DDX46: variants seen among roughly 807,000 people sequenced by gnomAD.
The protein encoded by DDX46 is probable ATP-dependent RNA helicase DDX46.
Under a neutral mutation model 134.9 loss-of-function variants are expected in DDX46, and 30 were observed. That is an observed-to-expected ratio of 0.22 (90% confidence interval 0.17 to 0.30). The LOEUF (loss-of-function observed/expected upper bound fraction) is 0.30. Among genes scored for constraint, DDX46 ranks in the 10% least tolerant of loss-of-function variants. The probability of loss-of-function intolerance (pLI) is 1.00; values close to 1 mark genes in which losing one functional copy is unlikely to be tolerated. For synonymous variants in DDX46, 415 were observed against 404.1 expected (o/e 1.03, Z -0.32); for missense variants, 622 against 1,248.7 (o/e 0.50, Z 7.56).
intron 3 of DDX46, among the ~76,000 whole-genome samples, chr5:134,769,330 T>C (rs1753683273): frequency 1.4e-5 from 2 of 143,234 alleles, no homozygotes; most frequent in Admixed American, 6.9e-5. Flanking sequence ...TTTCAAGGTT[T>C]TTTTTTTTTT....
intron 5 of DDX46, 102 bp from the exon 6 acceptor site, chr5:134,777,472 T>G (rs1208534807): frequency 3.8e-6 from 5 of 1,331,678 alleles, no homozygotes; most frequent in Non-Finnish European, 5.1e-6. Flanking sequence ...AAAGGGGTGT[T>G]TGGGCAGTGG....
chr5:134,787,173 C>T (rs539101812), intron 11 of DDX46, among the ~76,000 whole-genome samples: 1 of 152,108 alleles, frequency 6.6e-6, no homozygotes, highest in Non-Finnish European at 1.5e-5. Context: ...ATCTGCTTGC[C>T]TTGGCTTCCC....
chr5:134,807,691 A>G, intron 15 of DDX46, 57 bp from the exon 16 acceptor site: 4 of 1,494,742 alleles, frequency 2.7e-6, no homozygotes, highest in South Asian at 2.6e-5. Flanking sequence ...ATTCTTGGTC[A>G]GAAGACATGG....
chr5:134,811,178 T>C (rs1297371491), intron 16 of DDX46, 43 bp from the exon 17 acceptor site: 1 of 1,581,934 alleles, frequency 6.3e-7, no homozygotes, highest in Non-Finnish European at 8.7e-7. Context: ...GTAGGATCCA[T>C]CTTGTTAGTG....
chr5:134,812,387 G>A (rs554546541), intron 18 of DDX46, among the ~76,000 whole-genome samples: 3 of 151,956 alleles, frequency 2.0e-5, no homozygotes, highest in African/African-American at 7.2e-5. Context: ...AGTCTTTAAC[G>A]AATCTTGTTT....
intron 10 of DDX46, 43 bp downstream of exon 10, chr5:134,784,584 G>T: frequency 6.5e-7 from 1 of 1,534,464 alleles, no homozygotes; most frequent in Middle Eastern, 1.7e-4. Context: ...TAACAGCTTT[G>T]TTGTCAAACA....
At chr5:134,827,979 A>G (rs2150165027) in intron 22 of DDX46, among the ~76,000 whole-genome samples, 1 of 152,362 alleles carries the variant, frequency 6.6e-6, no homozygotes, top group African/African-American at 2.4e-5. Context: ...CCAGAAGTGT[A>G]GAAAATTCCA....
At chr5:134,825,512 A>T (rs1047261658) in intron 21 of DDX46, among the ~76,000 whole-genome samples, 2 of 152,040 alleles carry the variant, frequency 1.3e-5, no homozygotes, top group African/African-American at 4.8e-5. Flanking sequence ...TATGGGGGGA[A>T]ATTTTCTCGT....
chr5:134,785,687 T>G, intron 11 of DDX46, 101 bp downstream of exon 11: 1 of 1,358,612 alleles, frequency 7.4e-7, no homozygotes, highest in Non-Finnish European at 9.9e-7. Context: ...GAATAGTGAT[T>G]GCTTCTAAAA....
chr5:134,770,048 G>A (rs1323098146), intron 3 of DDX46, among the ~76,000 whole-genome samples: 2 of 152,028 alleles, frequency 1.3e-5, no homozygotes, highest in East Asian at 1.9e-4. Flanking sequence ...AGTCTAATAA[G>A]TGTACTTATG....
At chr5:134,807,175 C>CTTTTTTT (rs11284486) in intron 15 of DDX46, among the ~76,000 whole-genome samples, 3 of 121,700 alleles carry the variant, frequency 2.5e-5, no homozygotes, top group Admixed American at 8.7e-5. Flanking sequence ...CCACGCCTGG[C>CTTTTTTT]TTTTTTTTTT....
Position 134,764,017 on chromosome 5 carries a change from A to T in DDX46, c.131A>T (p.Asp44Val). The T allele has an allele frequency of 6.2e-7, 1 of 1,614,220 alleles. No homozygotes were observed. The highest frequency in any genetic ancestry group is 8.5e-7 in the Non-Finnish European group (1 of 1,180,042). The change falls in exon 2 of 23, where the codon GAT becomes GTT. Residue 44 changes from aspartate (D) to valine (V), a missense_variant. This residue lies in a region of DDX46 where 244 missense variants were observed against 349.3 expected (regional missense o/e 0.70). Coordinates refer to ENST00000452510, the MANE Select transcript of DDX46 (RefSeq NM_001300860.2). ...RGDDRRSRSR[D>V]RDRRRERSRS... ...GATGACAGACGGTCTAGAAGTAGAG[A>T]TAGAGATAGGAGGAGAGAGAGGTCT...
intron 19 of DDX46, chr5:134,817,215 C>T (rs974188659): frequency 8.5e-6 from 3 of 353,248 alleles, no homozygotes; most frequent in Non-Finnish European, 1.0e-5. Flanking sequence ...CTGTGTCTGA[C>T]ATCAAGAGTT....
chr5:134,819,499 A>T (rs1380506303), intron 21 of DDX46, among the ~76,000 whole-genome samples: 1 of 152,182 alleles, frequency 6.6e-6, no homozygotes, highest in African/African-American at 2.4e-5. Flanking sequence ...ACTTTATTTC[A>T]TACATTCATG....
At chr5:134,821,379 G>C (rs1365753800) in intron 21 of DDX46, among the ~76,000 whole-genome samples, 1 of 151,766 alleles carries the variant, frequency 6.6e-6, no homozygotes, top group Non-Finnish European at 1.5e-5. Context: ...GTTTCACCAT[G>C]TTGGTCAGGC....
At chr5:134,790,641 T>G in intron 13 of DDX46, 89 bp downstream of exon 13, 3 of 1,103,826 alleles carry the variant, frequency 2.7e-6, no homozygotes, top group Non-Finnish European at 4.0e-6. Context: ...TTTCTGAAAT[T>G]CACACACACA....
chr5:134,769,492 A>G (rs1267396749), intron 3 of DDX46, among the ~76,000 whole-genome samples: 1 of 146,276 alleles, frequency 6.8e-6, no homozygotes, highest in Non-Finnish European at 1.5e-5. Context: ...CACCATACCC[A>G]GCTGATTTTT....
At chr5:134,766,890 A>G in intron 2 of DDX46, 27 bp from the exon 3 acceptor site, 1 of 1,599,464 alleles carries the variant, frequency 6.3e-7, no homozygotes, top group Non-Finnish European at 8.5e-7. Context: ...TTGGTCATAG[A>G]ATAAATGAAA....
chr5:134,810,399 C>T (rs1291126992), intron 16 of DDX46, among the ~76,000 whole-genome samples: 1 of 150,836 alleles, frequency 6.6e-6, no homozygotes, highest in East Asian at 2.0e-4. Flanking sequence ...AGTGCATTGG[C>T]GCCATCTCAC....
Sources: gnomAD v4.1 joint callset for allele counts (sites outside exome capture counted in the v4.1 genomes callset) on GRCh38, gnomAD v4.1.1 for gene constraint, gnomAD v4.1.1 regional missense constraint, MANE v1.5 for transcripts, NCBI Gene and HGNC (gene_info 2026-07-23, HGNC 2026-07-21) for gene names.